The following SLX4IP variants were observed in gnomAD, a reference collection of about 807,000 sequenced individuals.
SLX4IP encodes the protein SLX4 interacting protein.
Under a neutral mutation model 32.9 loss-of-function variants are expected in SLX4IP, and 34 were observed. The observed-to-expected ratio is 1.03, with a 90% CI of 0.79 to 1.38. The LOEUF (loss-of-function observed/expected upper bound fraction) is 1.38. Ranked by LOEUF, SLX4IP falls within the 40% of genes most tolerant of loss-of-function variation. The pLI is 0.00. For synonymous variants in SLX4IP, 172 were observed against 171.7 expected (o/e 1.00, Z -0.01); for missense variants, 444 against 479.0 (o/e 0.93, Z 0.68).
intron 2 of SLX4IP, among the ~76,000 whole-genome samples, chr20:10,533,619 T>C (rs79172846): frequency 1.3e-3 from 2 of 1,514 alleles, no homozygotes; most frequent in Admixed American, 9.6e-3. Context: ...TTCTTGGCCT[T>C]TTTTTTTTTT....
intron 2 of SLX4IP, among the ~76,000 whole-genome samples, chr20:10,504,831 C>A (rs1439203908): frequency 2.0e-5 from 3 of 152,074 alleles, no homozygotes; most frequent in African/African-American, 7.2e-5. Flanking sequence ...CGGCTCCATA[C>A]CCCCAAAGTG....
intron 2 of SLX4IP, among the ~76,000 whole-genome samples, chr20:10,550,604 C>G (rs975744626): frequency 6.6e-6 from 1 of 152,168 alleles, no homozygotes; most frequent in Non-Finnish European, 1.5e-5. Flanking sequence ...GCTCCACACT[C>G]CTACCCAAGA....
chr20:10,609,993 A>G (rs2066948074), intron 6 of SLX4IP, among the ~76,000 whole-genome samples: 2 of 152,152 alleles, frequency 1.3e-5, no homozygotes, highest in South Asian at 4.1e-4. Flanking sequence ...CTTCTATCCA[A>G]TTCTCAGAAC....
intron 2 of SLX4IP, among the ~76,000 whole-genome samples, chr20:10,528,579 CT>C (rs1235069825): frequency 1.3e-5 from 2 of 152,092 alleles, no homozygotes; most frequent in East Asian, 3.8e-4. Context: ...CTTTTCTTTT[CT>C]TTTTAAAAAA....
intron 2 of SLX4IP, among the ~76,000 whole-genome samples, chr20:10,488,580 T>C (rs1289860332): frequency 2.0e-5 from 3 of 152,108 alleles, no homozygotes; most frequent in East Asian, 3.9e-4. Context: ...AGTTGTAAAA[T>C]GCTGAGCAAG....
chr20:10,579,837 T>A (rs2066563513), intron 4 of SLX4IP, among the ~76,000 whole-genome samples: 1 of 152,230 alleles, frequency 6.6e-6, no homozygotes, highest in Non-Finnish European at 1.5e-5. Flanking sequence ...GAACTATTTT[T>A]TTTTTCTTCC....
At chr20:10,509,602 G>A (rs1293005397) in intron 2 of SLX4IP, among the ~76,000 whole-genome samples, 1 of 152,156 alleles carries the variant, frequency 6.6e-6, no homozygotes, top group African/African-American at 2.4e-5. Flanking sequence ...TTCACTATGT[G>A]GACGAAGATC....
At chr20:10,603,171 A>G (rs1184563080) in intron 6 of SLX4IP, among the ~76,000 whole-genome samples, 1 of 152,252 alleles carries the variant, frequency 6.6e-6, no homozygotes, top group East Asian at 1.9e-4. Flanking sequence ...GGTTTAAGAA[A>G]ACAACAATTA....
At chr20:10,560,672 GT>G in intron 3 of SLX4IP, 27 bp from the exon 4 acceptor site, 1 of 1,465,292 alleles carries the variant, frequency 6.8e-7, no homozygotes, top group South Asian at 1.4e-5. Context: ...AAATTTGAAG[GT>G]TATATCTAAT....
chr20:10,518,530 CTTCCTTCCTTCCTTCCTTCCT>C (rs1568720443), intron 2 of SLX4IP, among the ~76,000 whole-genome samples: 4 of 131,174 alleles, frequency 3.0e-5, no homozygotes, highest in African/African-American at 5.8e-5. Flanking sequence ...TCCTTCCTTC[CTTCCTTCCTTCCTTCCTTCCT>C]TTCCTTCTTT....
At chr20:10,513,111 G>T (rs996677616) in intron 2 of SLX4IP, among the ~76,000 whole-genome samples, 1 of 151,978 alleles carries the variant, frequency 6.6e-6, no homozygotes, top group African/African-American at 2.4e-5. Context: ...ACTCAAGGAG[G>T]GAAAACGAAG....
intron 2 of SLX4IP, among the ~76,000 whole-genome samples, chr20:10,490,061 A>G (rs551173695): frequency 2.0e-5 from 3 of 152,286 alleles, no homozygotes; most frequent in South Asian, 4.1e-4. Flanking sequence ...AATCACCTGT[A>G]TGGATTATGA....
intron 2 of SLX4IP, among the ~76,000 whole-genome samples, chr20:10,501,844 T>C (rs2065722406): frequency 6.6e-6 from 1 of 152,212 alleles, no homozygotes; most frequent in Non-Finnish European, 1.5e-5. Context: ...TTAAAAAAAA[T>C]CTAGTATTTT....
chr20:10,458,099 C>T, intron 1 of SLX4IP, 77 bp from the exon 2 acceptor site: 1 of 858,704 alleles, frequency 1.2e-6, no homozygotes, highest in Non-Finnish European at 1.7e-6. Flanking sequence ...TACTATTCAG[C>T]CCATCTTTTT....
chr20:10,593,002 G>C (rs967595754), intron 4 of SLX4IP, among the ~76,000 whole-genome samples: 2 of 152,148 alleles, frequency 1.3e-5, no homozygotes, highest in Admixed American at 1.3e-4. Flanking sequence ...GTACTCAGTT[G>C]GTATCAGCCT....
rs71186105 is a variant in SLX4IP at position 10,626,190 on chromosome 20, A to ATTTTTTTTTTTTTT, written c.*2823_*2836dup. 1 of 77,060 alleles carries ATTTTTTTTTTTTTT rather than the reference A, an allele frequency of 1.3e-5. No individual in the cohort carries two copies. Among genetic ancestry groups the ATTTTTTTTTTTTTT allele is most frequent in the Non-Finnish European group, 2.3e-5 (1 of 44,132 alleles). The allele number at this position is 77,060 out of a possible 1,614,324, so 4.8% of individuals were successfully genotyped here. A position where few individuals can be genotyped will look rare whatever the true frequency, so the allele number is the denominator to read the frequency against. On this transcript the variant is annotated 3_prime_UTR_variant, in exon 8 of 8. Coordinates refer to ENST00000334534, the MANE Select transcript of SLX4IP (RefSeq NM_001009608.3). ...CCACCACGCCCGGCTAATTTTTTGT[A>ATTTTTTTTTTTTTT]TTTTTTTTTTTTTTTTTTTTTTTTT...
At chr20:10,473,373 G>C (rs1334941708) in intron 2 of SLX4IP, among the ~76,000 whole-genome samples, 1 of 152,166 alleles carries the variant, frequency 6.6e-6, no homozygotes, top group African/African-American at 2.4e-5. Context: ...ATCTCCCACA[G>C]TCATTGCAGT....
At chr20:10,608,960 CCAAAGAGTTAAGTGATAAA>C (rs1446640519) in intron 6 of SLX4IP, among the ~76,000 whole-genome samples, 1 of 121,138 alleles carries the variant, frequency 8.3e-6, no homozygotes, top group Non-Finnish European at 2.1e-5. Flanking sequence ...AACTAAAGTA[CCAAAGAGTTAAGTGATAAA>C]CCCCCATTTA....
At chr20:10,618,548 C>T (rs1314108417) in intron 6 of SLX4IP, among the ~76,000 whole-genome samples, 1 of 152,062 alleles carries the variant, frequency 6.6e-6, no homozygotes, top group Non-Finnish European at 1.5e-5. Context: ...TTATGAAGGC[C>T]CTGGAAGATC....
Sources: allele counts gnomAD v4.1 joint callset (sites outside exome capture counted in the v4.1 genomes callset), GRCh38; gene constraint gnomAD v4.1.1; transcripts MANE v1.5; gene names NCBI Gene and HGNC (gene_info 2026-07-23, HGNC 2026-07-21).